The following SUGP1 variants were observed in gnomAD, a reference collection of about 807,000 sequenced individuals.
SUGP1 encodes SURP and G-patch domain-containing protein 1.
SUGP1 carries 34 observed loss-of-function variants against 76.5 expected under a neutral mutation model. The ratio of observed to expected loss-of-function variants is 0.44; its 90% CI spans 0.34 to 0.59. The LOEUF (loss-of-function observed/expected upper bound fraction) is 0.59, where lower values mean the gene tolerates loss of function less well. Among genes scored for constraint, SUGP1 ranks in the 20% least tolerant of loss-of-function variants. The pLI is 0.01. For synonymous variants in SUGP1, 326 were observed against 326.2 expected (o/e 1.00, Z 0.01); for missense variants, 752 against 851.7 (o/e 0.88, Z 1.46).
chr19:19,310,096 C>A lies in SUGP1; in HGVS notation c.310+1G>T. 1.2e-6 allele frequency: 2 copies of A among 1,612,796 alleles called. No individual in the cohort carries two copies. The highest frequency in any genetic ancestry group is 1.7e-6 in the Non-Finnish European group (2 of 1,179,110). ...CAAGGAAAGGGGAGGCCTACACTCA[C>A]CTGTGCTGGTCTGTGCCTTCTGCAA... On this transcript the variant is annotated splice_donor_variant, in intron 3 of 13. Coordinates refer to ENST00000247001, the MANE Select transcript of SUGP1 (RefSeq NM_172231.4). LOFTEE classifies it high-confidence loss of function.
At chr19:19,306,693 G>C (rs1473695153) in intron 3 of SUGP1, among the ~76,000 whole-genome samples, 1 of 152,252 alleles carries the variant, frequency 6.6e-6, no homozygotes, top group East Asian at 1.9e-4. Flanking sequence ...TACCCACCTG[G>C]CATATCACAC....
intron 8 of SUGP1, among the ~76,000 whole-genome samples, chr19:19,296,106 C>G (rs1025581325): frequency 2.0e-5 from 3 of 150,802 alleles, no homozygotes; most frequent in Non-Finnish European, 4.4e-5. Context: ...CACTTGAGGA[C>G]AGAAGTTCAA....
At chr19:19,311,101 A>G (rs933903093) in intron 2 of SUGP1, among the ~76,000 whole-genome samples, 1 of 142,060 alleles carries the variant, frequency 7.0e-6, no homozygotes, top group African/African-American at 2.7e-5. Flanking sequence ...TATGTTGCCT[A>G]GGCTGGTCTT....
At position 19,280,263 on chromosome 19, in the gene SUGP1, C is replaced by A; in HGVS notation, c.1272G>T (p.Glu424Asp). ...CCACTAGACCCACAGGCTTCCCCTT[C>A]TCATAGCCGAGCCCCTTGAGGTCCT... ...SVQDLKGLGYEKGKPVGLVGV... is the reference protein window; with the variant it reads ...SVQDLKGLGYDKGKPVGLVGV... The change falls in exon 9 of 14, where the codon GAG becomes GAT. Residue 424 changes from glutamate (E) to aspartate (D), a missense_variant. Physicochemically the swap from Glu to Asp is conservative, Grantham distance 45. This residue lies in a region of SUGP1 where 620 missense variants were observed against 617.3 expected (regional missense o/e 1.00). Coordinates refer to ENST00000247001, the MANE Select transcript of SUGP1 (RefSeq NM_172231.4). 6.2e-7 allele frequency: 1 copy of A among 1,614,004 alleles called. No individual in the cohort carries two copies. Among genetic ancestry groups the A allele is most frequent in the Non-Finnish European group, 8.5e-7 (1 of 1,179,994 alleles).
intron 1 of SUGP1, among the ~76,000 whole-genome samples, chr19:19,318,084 T>A (rs973634293): frequency 1.3e-5 from 2 of 151,314 alleles, no homozygotes; most frequent in African/African-American, 4.9e-5. Context: ...GCGCTGGAAT[T>A]ACAGGCGTGA....
chr19:19,278,446 C>T (rs1412122804), intron 11 of SUGP1, among the ~76,000 whole-genome samples: 1 of 152,120 alleles, frequency 6.6e-6, no homozygotes, highest in African/African-American at 2.4e-5. Context: ...TAATTGGCTC[C>T]ACTGGAAGCA....
Position 19,276,481 on chromosome 19 carries a change from G to A in SUGP1, c.*167C>T, listed in dbSNP as rs1275982190. The A allele has an allele frequency of 6.6e-6, 5 of 760,714 alleles. No individual in the cohort carries two copies. The African/African-American group carries it at 8.7e-5, about 13-fold the overall frequency. The allele number at this position is 760,714 out of a possible 1,614,324, so 47.1% of individuals were successfully genotyped here. On this transcript the variant is annotated 3_prime_UTR_variant, in exon 14 of 14. Transcript: ENST00000247001. ...GCATCTTGCATCCCGCTGCTAACAGGAGGGGCTTCCTGCAACAGGACCAGG... is the reference window on the plus strand; with the variant it reads ...GCATCTTGCATCCCGCTGCTAACAGAAGGGGCTTCCTGCAACAGGACCAGG...
At chr19:19,320,326 A>G (rs945467433) in intron 1 of SUGP1, 137 bp downstream of exon 1, 3 of 909,042 alleles carry the variant, frequency 3.3e-6, no homozygotes, top group Admixed American at 3.0e-5. Context: ...CAAGAGGTGC[A>G]GAAGCCGACG....
chr19:19,282,374 G>A (rs2146593614), intron 8 of SUGP1, among the ~76,000 whole-genome samples: 1 of 151,646 alleles, frequency 6.6e-6, no homozygotes, highest in African/African-American at 2.4e-5. Context: ...TGAGGTGGGA[G>A]GATAGCTTGA....
intron 8 of SUGP1, chr19:19,281,138 TG>T (rs1402035740): frequency 3.9e-5 from 6 of 152,424 alleles, no homozygotes; most frequent in African/African-American, 1.4e-4. Flanking sequence ...TCTGAGCATC[TG>T]GTTGATTGCC....
At chr19:19,296,702 G>T (rs1428916632) in intron 8 of SUGP1, among the ~76,000 whole-genome samples, 1 of 151,856 alleles carries the variant, frequency 6.6e-6, no homozygotes, top group African/African-American at 2.4e-5. Flanking sequence ...AATAGGCCCA[G>T]CAATTCCACA....
chr19:19,312,847 G>A (rs534183519), intron 2 of SUGP1, among the ~76,000 whole-genome samples: 86 of 151,708 alleles, frequency 5.7e-4, no homozygotes, highest in Non-Finnish European at 1.0e-3. Flanking sequence ...AAAATTAGCC[G>A]GGCATGGTGG....
chr19:19,306,139 C>A, intron 3 of SUGP1, 63 bp from the exon 4 acceptor site: 1 of 1,431,032 alleles, frequency 7.0e-7, no homozygotes, highest in Non-Finnish European at 9.3e-7. Context: ...GGCTTCCGAC[C>A]TAACCTAGGT....
At chr19:19,294,436 A>G (rs1008018969) in intron 8 of SUGP1, among the ~76,000 whole-genome samples, 11 of 148,450 alleles carry the variant, frequency 7.4e-5, no homozygotes, top group African/African-American at 1.5e-4. Flanking sequence ...AGGTGGGAAG[A>G]CCACTTGAGC....
intron 8 of SUGP1, among the ~76,000 whole-genome samples, chr19:19,291,889 TCACACACACACACACACA>T (rs541521385): frequency 1.3e-4 from 17 of 128,636 alleles, no homozygotes; most frequent in Admixed American, 3.3e-4. Flanking sequence ...TGAGACTCTG[TCACACACACACACACACA>T]CACACACACA....
chr19:19,315,331 GA>G (rs1042479888), intron 2 of SUGP1, among the ~76,000 whole-genome samples: 38 of 141,410 alleles, frequency 2.7e-4, no homozygotes, highest in East Asian at 8.1e-4. Flanking sequence ...CTGTCTCAAA[GA>G]AAAAAAAAAA....
Position 19,277,850 on chromosome 19 carries a change from G to A in SUGP1, c.1665C>T (p.Tyr555=). 1.2e-6 allele frequency: 2 copies of A among 1,613,940 alleles called. No individual in the cohort carries two copies. The highest frequency in any genetic ancestry group is 1.7e-6 in the Non-Finnish European group (2 of 1,179,968). The part of the protein sequence containing the change: ...KEGREPDYSE[Y]KEFKLTVENI... ...TCTCCACAGTCAGCTTGAACTCCTT[G>A]TACTCTGAGTAGTCAGGCTCACGGC... Residue 555 remains tyrosine (Y), a synonymous_variant, in exon 12 of 14, where the codon TAC becomes TAT. Coordinates refer to ENST00000247001, the MANE Select transcript of SUGP1 (RefSeq NM_172231.4).
chr19:19,287,125 T>C (rs566801213), intron 8 of SUGP1, among the ~76,000 whole-genome samples: 1 of 151,190 alleles, frequency 6.6e-6, no homozygotes, highest in Admixed American at 6.6e-5. Flanking sequence ...ATACAAAAAT[T>C]AGCTAGGCAT....
chr19:19,296,591 G>A (rs955901921), intron 8 of SUGP1, among the ~76,000 whole-genome samples: 1 of 151,374 alleles, frequency 6.6e-6, no homozygotes, highest in Non-Finnish European at 1.5e-5. Flanking sequence ...AGCTTATGGT[G>A]AGCTGAAATC....
Sources: gnomAD v4.1 joint callset for allele counts (sites outside exome capture counted in the v4.1 genomes callset) on GRCh38, gnomAD v4.1.1 for gene constraint, gnomAD v4.1.1 regional missense constraint, MANE v1.5 for transcripts, NCBI Gene and HGNC (gene_info 2026-07-23, HGNC 2026-07-21) for gene names.